FBXL4: variants seen among roughly 807,000 people sequenced by gnomAD.
FBXL4 encodes the protein F-box/LRR-repeat protein 4.
Under a neutral mutation model 58.9 loss-of-function variants are expected in FBXL4, and 40 were observed. That is an observed-to-expected ratio of 0.68 (90% CI 0.53 to 0.88). FBXL4 has a LOEUF of 0.88. Ranked by LOEUF, FBXL4 falls within the 40% of genes least tolerant of loss-of-function variation. The probability of loss-of-function intolerance (pLI) is 0.00; values close to 1 mark genes in which losing one functional copy is unlikely to be tolerated. For missense variants in FBXL4, 676 were observed against 734.4 expected (o/e 0.92, Z 0.92); for synonymous variants, 263 against 265.5 (o/e 0.99, Z 0.09).
At chr6:98,923,442 C>T (rs915514563) in intron 4 of FBXL4, among the ~76,000 whole-genome samples, 1 of 152,192 alleles carries the variant, frequency 6.6e-6, no homozygotes, top group Non-Finnish European at 1.5e-5. Context: ...CAGTTGCCAA[C>T]AGCTTATTCT....
chr6:98,939,160 C>T (rs548613429), intron 1 of FBXL4, among the ~76,000 whole-genome samples: 71 of 140,464 alleles, frequency 5.1e-4, no homozygotes, highest in East Asian at 1.3e-3. Context: ...TGAAATGAAA[C>T]GAAACGAAAT....
intron 8 of FBXL4, among the ~76,000 whole-genome samples, chr6:98,877,745 C>T (rs1319020816): frequency 6.6e-6 from 1 of 152,070 alleles, no homozygotes; most frequent in African/African-American, 2.4e-5. Flanking sequence ...TAGTAGGAAA[C>T]TTAAGAAAAT....
At position 98,869,969 on chromosome 6, in the gene FBXL4, G is replaced by A. The variant is rs1770450240; in HGVS notation, c.*4309C>T. ...TAGACTCTGGGAAGATAATTTACCT[G>A]AGCAAAATGCAAAGATAAATAATTA... On this transcript the variant is annotated 3_prime_UTR_variant, in exon 10 of 10. Coordinates refer to ENST00000369244, the MANE Select transcript of FBXL4 (RefSeq NM_001278716.2). 1 of 152,140 alleles carries A rather than the reference G, an allele frequency of 6.6e-6. No homozygotes were observed. Among genetic ancestry groups the A allele is most frequent in the South Asian group, 2.1e-4 (1 of 4,826 alleles). The allele number at this position is 152,140 out of a possible 1,614,324, so 9.4% of individuals were successfully genotyped here.
At chr6:98,912,432 T>C (rs1772127291) in intron 5 of FBXL4, among the ~76,000 whole-genome samples, 1 of 151,978 alleles carries the variant, frequency 6.6e-6, no homozygotes, top group African/African-American at 2.4e-5. Flanking sequence ...GAGAGAAAGG[T>C]CGGGTTACCC....
At chr6:98,909,955 G>C (rs546491836) in intron 5 of FBXL4, among the ~76,000 whole-genome samples, 1 of 152,140 alleles carries the variant, frequency 6.6e-6, no homozygotes, top group Admixed American at 6.5e-5. Flanking sequence ...GTAATATGTT[G>C]GAGAGGCATT....
At chr6:98,917,330 T>G in intron 5 of FBXL4, 44 bp downstream of exon 5, 1 of 1,288,446 alleles carries the variant, frequency 7.8e-7, no homozygotes, top group Non-Finnish European at 1.1e-6. Context: ...ATTAAAAATC[T>G]ATAGTGTTAT....
intron 6 of FBXL4, among the ~76,000 whole-genome samples, chr6:98,901,831 T>C (rs911073547): frequency 2.0e-5 from 3 of 152,138 alleles, no homozygotes; most frequent in African/African-American, 7.2e-5. Flanking sequence ...CCACTGATCA[T>C]TTGAAAGGAG....
At chr6:98,914,325 C>A (rs940950722) in intron 5 of FBXL4, among the ~76,000 whole-genome samples, 1 of 152,186 alleles carries the variant, frequency 6.6e-6, no homozygotes, top group Non-Finnish European at 1.5e-5. Context: ...ATGAGGCCAG[C>A]ATCATCCTGA....
At position 98,932,049 on chromosome 6, in the gene FBXL4, C is replaced by CAAAT. The variant is rs1773034104; in HGVS notation, c.-191+2709_-191+2712dup. On this transcript the variant is annotated intron_variant, in intron 2 of 9. Transcript: ENST00000369244. Reference sequence around the variant, plus strand: ...ATAAAATTATTTTTCCCACCTGGTGCAAATAAATAAATATTAGTCAGGAAC... The same window carrying CAAAT: ...ATAAAATTATTTTTCCCACCTGGTGCAAATAAATAAATAAATATTAGTCAGGAAC... Among the ~76,000 whole-genome samples, 3 of 152,136 alleles carry CAAAT rather than the reference C, an allele frequency of 2.0e-5. No homozygotes were observed. The South Asian group carries it at 6.2e-4, about 32-fold the overall frequency.
chr6:98,940,645 T>G (rs1773399522), intron 1 of FBXL4, among the ~76,000 whole-genome samples: 1 of 152,188 alleles, frequency 6.6e-6, no homozygotes, highest in Admixed American at 6.5e-5. Context: ...GTTTCCTTAC[T>G]ATGGAGTTGT....
In FBXL4 at chr6:98,887,043, T is replaced by C. The variant is rs184464160; in HGVS notation, c.1318-6419A>G. Among the ~76,000 whole-genome samples the C allele has an allele frequency of 6.6e-5, 10 of 152,160 alleles. No individual in the cohort carries two copies. The East Asian group carries it at 1.9e-3, about 29-fold the overall frequency. On this transcript the variant is annotated intron_variant, in intron 7 of 9. Transcript: ENST00000369244. ...GAGGGAGGACAGCTTGAGCCCAGGATTTCAAAACCAGCCTGGGCAACATGG... is the reference window on the plus strand; with the variant it reads ...GAGGGAGGACAGCTTGAGCCCAGGACTTCAAAACCAGCCTGGGCAACATGG...
intron 6 of FBXL4, among the ~76,000 whole-genome samples, chr6:98,903,429 T>A (rs1771686332): frequency 6.6e-6 from 1 of 152,116 alleles, no homozygotes; most frequent in Non-Finnish European, 1.5e-5. Context: ...CCATCAAGAT[T>A]TATGATTTTA....
chr6:98,895,039 C>T (rs1171436292), intron 7 of FBXL4, among the ~76,000 whole-genome samples: 2 of 152,130 alleles, frequency 1.3e-5, no homozygotes, highest in Non-Finnish European at 2.9e-5. Flanking sequence ...GCATGCCTGG[C>T]TATGGCTAAC....
chr6:98,926,855 G>A lies in FBXL4; in HGVS notation c.134C>T (p.Ser45Phe). Reference protein sequence around the residue: ...HRAIESNSQTSPLNAEVVQYA... With the variant: ...HRAIESNSQTFPLNAEVVQYA... ...CTGGACTACCTCTGCATTGAGAGGGGAAGTCTGGCTGTTTGATTCTATAGC... is the reference window on the plus strand; with the variant it reads ...CTGGACTACCTCTGCATTGAGAGGGAAAGTCTGGCTGTTTGATTCTATAGC... The change falls in exon 4 of 10, where the codon TCC becomes TTC. Residue 45 changes from serine to phenylalanine, a missense_variant. Transcript: ENST00000369244. 6.2e-7 allele frequency: 1 copy of A among 1,614,168 alleles called. No individual in the cohort carries two copies. The highest frequency in any genetic ancestry group is 1.1e-5 in the South Asian group (1 of 91,072).
At position 98,877,712 on chromosome 6, in the gene FBXL4, T is replaced by C. The variant is rs562093126; in HGVS notation, c.1390-1985A>G. On this transcript the variant is annotated intron_variant, in intron 8 of 9. Coordinates refer to ENST00000369244, the MANE Select transcript of FBXL4 (RefSeq NM_001278716.2). ...GAGGAACTATCAGCAAGAATTTAAG[T>C]GACCTAACCAGGATCACATAATTAG... Among the ~76,000 whole-genome samples, 18 of 152,312 alleles carry C rather than the reference T, an allele frequency of 1.2e-4. No homozygotes were observed. In the South Asian group the frequency reaches 2.9e-3, roughly 25 times the overall value.
chr6:98,938,805 G>A (rs564952080), intron 1 of FBXL4, among the ~76,000 whole-genome samples: 75 of 152,002 alleles, frequency 4.9e-4, no homozygotes, highest in Admixed American at 3.9e-3. Flanking sequence ...GACTGAGGCT[G>A]GGCACAGCGG....
intron 7 of FBXL4, chr6:98,898,768 C>T: frequency 2.0e-6 from 2 of 985,186 alleles, no homozygotes; most frequent in Non-Finnish European, 2.4e-6. Context: ...TATGCACTGA[C>T]CCTGGAAACA....
At chr6:98,934,323 C>T (rs996570114) in intron 2 of FBXL4, among the ~76,000 whole-genome samples, 3 of 151,556 alleles carry the variant, frequency 2.0e-5, no homozygotes, top group Non-Finnish European at 2.9e-5. Flanking sequence ...GGCTTGAACC[C>T]GGGAGGCGGA....
rs1426226635 is a variant in FBXL4 at position 98,873,230 on chromosome 6, A to G, written c.*1048T>C. 2.7e-5 allele frequency: 4 copies of G among 147,710 alleles called. No homozygotes were observed. The highest frequency in any genetic ancestry group is 7.4e-5 in the African/African-American group (3 of 40,680). The allele number at this position is 147,710 out of a possible 1,614,324, so 9.1% of individuals were successfully genotyped here. On this transcript the variant is annotated 3_prime_UTR_variant, in exon 10 of 10. Coordinates refer to ENST00000369244, the MANE Select transcript of FBXL4 (RefSeq NM_001278716.2). ...ATAATATATATAATTATATATATGT[A>G]TATAATATATACATGTACATTACAT...
Sources: allele counts gnomAD v4.1 joint callset (sites outside exome capture counted in the v4.1 genomes callset), GRCh38; gene constraint gnomAD v4.1.1; transcripts MANE v1.5; gene names NCBI Gene and HGNC (gene_info 2026-07-23, HGNC 2026-07-21).